PFKFB3: variants seen among roughly 807,000 people sequenced by gnomAD.
The protein encoded by PFKFB3 is 6-phosphofructo-2-kinase/fructose-2,6-bisphosphatase 3.
PFKFB3 carries 33 observed loss-of-function variants against 68.0 expected under a neutral mutation model. That is an observed-to-expected ratio of 0.49 (90% CI 0.37 to 0.65). The LOEUF is 0.65. PFKFB3 is among the 30% of genes least tolerant of loss of function. PFKFB3 has a pLI of 0.00. For synonymous variants in PFKFB3, 315 were observed against 288.2 expected (o/e 1.09, Z -0.94); for missense variants, 586 against 712.2 (o/e 0.82, Z 2.02).
chr10:6,226,448 T>G (rs1845361405), intron 14 of PFKFB3, 83 bp downstream of exon 14: 14 of 1,384,988 alleles, frequency 1.0e-5, no homozygotes, highest in East Asian at 6.9e-5. Flanking sequence ...TGCGTGTGTG[T>G]TTGCAAGAAT....
rs1841689705 is a variant in PFKFB3 at position 6,154,099 on chromosome 10, G to A, written c.16+9086G>A. ...CTGCGGGCCAGCACCGCTTCTGCAG[G>A]GTGAGAGGGTGGAAGCCAGGTGGAC... is the stretch of plus-strand genomic sequence containing the variant. On this transcript the variant is annotated intron_variant, in intron 1 of 14. Coordinates refer to the PFKFB3 transcript ENST00000379789. This position sits in a 1 kb window ranked among gnomAD's most constrained non-coding sequence, Gnocchi z 4.6. Among the ~76,000 whole-genome samples the A allele has an allele frequency of 6.6e-6, 1 of 152,164 alleles. No homozygotes were observed. The highest frequency in any genetic ancestry group is 1.5e-5 in the Non-Finnish European group (1 of 68,014).
the PFKFB3 span, among the ~76,000 whole-genome samples, chr10:6,276,642 G>C: frequency 3.1e-5 from 2 of 64,212 alleles, no homozygotes; most frequent in African/African-American, 8.6e-5. Context: ...AAAACTTGAG[G>C]AGTAATTCAA....
chr10:6,229,077 G>A lies in PFKFB3; in HGVS notation c.1515+2712G>A, dbSNP rs772931632. Reference sequence around the variant, plus strand: ...ACACCCGCCCCTTTATTTCCTGTTTGCTCCTTAAGTTACCTTAACTACTTT... The same window carrying A: ...ACACCCGCCCCTTTATTTCCTGTTTACTCCTTAAGTTACCTTAACTACTTT... On this transcript the variant is annotated intron_variant, in intron 14 of 14. Transcript: ENST00000379775. This position sits in a 1 kb window ranked among gnomAD's most constrained non-coding sequence, Gnocchi z 4.3. The A allele has an allele frequency of 3.8e-6, 2 of 525,404 alleles. No homozygotes were observed. Among genetic ancestry groups the A allele is most frequent in the Non-Finnish European group, 7.8e-6 (2 of 256,012 alleles). 32.5% of individuals were successfully genotyped at this position (525,404 alleles called of 1,614,324 possible). A position where few individuals can be genotyped will look rare whatever the true frequency, so the allele number is the denominator to read the frequency against.
downstream of PFKFB3, among the ~76,000 whole-genome samples, chr10:6,239,917 G>A (rs1846102480): frequency 6.6e-6 from 1 of 152,080 alleles, no homozygotes; most frequent in Non-Finnish European, 1.5e-5. Context: ...CAAGCGATCT[G>A]CCCCACTGGG....
At chr10:6,253,355 C>G (rs1846421861) in intron 14 of PFKFB3, among the ~76,000 whole-genome samples, 2 of 152,190 alleles carry the variant, frequency 1.3e-5, no homozygotes, top group Admixed American at 1.3e-4. Flanking sequence ...GCTTGGCTGC[C>G]TTTTGAAGGA....
Position 6,234,012 on chromosome 10 carries a change from C to G in PFKFB3, c.*1070C>G, listed in dbSNP as rs945507763. On this transcript the variant is annotated 3_prime_UTR_variant, in exon 15 of 15. Transcript: ENST00000379775. The stretch of plus-strand genomic sequence containing the variant: ...CATCTGCCTTGTGCCTGGCACTCTG[C>G]CGGTGCCTTGGGAAGGTCGGAAGAG... The G allele has an allele frequency of 6.6e-6, 1 of 152,478 alleles. No individual in the cohort carries two copies. The highest frequency in any genetic ancestry group is 1.5e-5 in the Non-Finnish European group (1 of 68,114). The allele number at this position is 152,478 out of a possible 1,614,324, so 9.4% of individuals were successfully genotyped here.
chr10:6,237,200 C>A (rs1045169978), downstream of PFKFB3, among the ~76,000 whole-genome samples: 1 of 152,250 alleles, frequency 6.6e-6, no homozygotes, highest in Admixed American at 6.5e-5. Context: ...TCCCGTCTCC[C>A]GAGTCCCTGC....
At chr10:6,292,636 T>TA in the PFKFB3 span, among the ~76,000 whole-genome samples, 443 of 139,526 alleles carry the variant, frequency 3.2e-3, 1 homozygote, top group African/African-American at 4.1e-3. Context: ...TACACAGAAT[T>TA]AAAAAAAAAA....
the PFKFB3 span, among the ~76,000 whole-genome samples, chr10:6,291,346 A>G: frequency 5.3e-5 from 8 of 152,100 alleles, no homozygotes; most frequent in Admixed American, 5.2e-4. Context: ...TGGGCGGATC[A>G]CTTGAGGTCA....
the PFKFB3 span, among the ~76,000 whole-genome samples, chr10:6,274,231 T>C: frequency 6.6e-6 from 1 of 152,020 alleles, no homozygotes; most frequent in Non-Finnish European, 1.5e-5. Flanking sequence ...AACTGTTGTG[T>C]AAGTCCCTCC....
chr10:6,172,293 G>T (rs1298822622), intron 1 of PFKFB3, among the ~76,000 whole-genome samples: 7 of 152,204 alleles, frequency 4.6e-5, no homozygotes, highest in Non-Finnish European at 2.9e-5. Flanking sequence ...AGAGGGAGGC[G>T]CACAGGCGGG....
chr10:6,243,547 CG>C (rs1846187704), intron 14 of PFKFB3, among the ~76,000 whole-genome samples: 1 of 152,196 alleles, frequency 6.6e-6, no homozygotes, highest in Admixed American at 6.5e-5. Context: ...TGGAGGCAGC[CG>C]CTTCCTGCAA....
chr10:6,318,707 G>C, the PFKFB3 span, among the ~76,000 whole-genome samples: 1 of 152,210 alleles, frequency 6.6e-6, no homozygotes, highest in Non-Finnish European at 1.5e-5. Flanking sequence ...AGGGCCTAAA[G>C]GGAATCGTGT....
chr10:6,177,508 G>A (rs11818751), intron 1 of PFKFB3, among the ~76,000 whole-genome samples: 2 of 31,724 alleles, frequency 6.3e-5, no homozygotes, highest in Non-Finnish European at 1.5e-4. Context: ...TCTCTCTCTC[G>A]CTCTCTCTTT....
intron 1 of PFKFB3, among the ~76,000 whole-genome samples, chr10:6,189,806 C>T (rs1477832844): frequency 6.6e-6 from 1 of 151,998 alleles, no homozygotes; most frequent in African/African-American, 2.4e-5. Flanking sequence ...TGAGCCACTG[C>T]ACCTGGCTTG....
chr10:6,163,628 T>A (rs1414205457), intron 1 of PFKFB3, among the ~76,000 whole-genome samples: 1 of 151,974 alleles, frequency 6.6e-6, no homozygotes, highest in African/African-American at 2.4e-5. Flanking sequence ...CAGGTGCACC[T>A]CGGGCGCCTA....
chr10:6,227,684 G>A (rs1845447201), intron 14 of PFKFB3, among the ~76,000 whole-genome samples: 1 of 152,214 alleles, frequency 6.6e-6, no homozygotes, highest in Non-Finnish European at 1.5e-5. Flanking sequence ...TGGCTTTGGT[G>A]GTAGCTCCAC....
chr10:6,283,540 A>AGATGGAGGCCGGAAGACTCAGCCCACGCT, the PFKFB3 span, among the ~76,000 whole-genome samples: 142,848 of 151,114 alleles, frequency 0.95, 67,880 homozygotes, highest in East Asian at 1. Context: ...CATGGGAGAA[A>AGATGGAGGCCGGAAGACTCAGCCCACGCT]GATGGAGGCT....
chr10:6,305,898 C>T, the PFKFB3 span, among the ~76,000 whole-genome samples: 6 of 152,190 alleles, frequency 3.9e-5, no homozygotes, highest in Non-Finnish European at 8.8e-5. Context: ...CTGCCTGGAA[C>T]CTGGTTTGAG....
Sources: allele counts gnomAD v4.1 joint callset (sites outside exome capture counted in the v4.1 genomes callset), GRCh38; gene constraint gnomAD v4.1.1; non-coding constraint Gnocchi (gnomAD v3.1); transcripts MANE v1.5; gene names NCBI Gene and HGNC (gene_info 2026-07-23, HGNC 2026-07-21).